FA2H: variants seen among roughly 807,000 people sequenced by gnomAD.
FA2H encodes the protein fatty acid 2-hydroxylase, also known as fatty acid alpha-hydroxylase.
FA2H carries 22 observed loss-of-function variants against 44.9 expected under a neutral mutation model. The ratio of observed to expected loss-of-function variants is 0.49; its 90% CI spans 0.35 to 0.70. The LOEUF (loss-of-function observed/expected upper bound fraction) is 0.70, where lower values mean the gene tolerates loss of function less well. Ranked by LOEUF, FA2H falls within the 30% of genes least tolerant of loss-of-function variation. The pLI is 0.01. For missense variants in FA2H, 501 were observed against 504.9 expected (o/e 0.99, Z 0.07); for synonymous variants, 243 against 213.2 (o/e 1.14, Z -1.22).
Position 74,718,977 on chromosome 16 carries a change from G to A in FA2H, c.786+11C>T, listed in dbSNP as rs371280297. ...CATGCTAGGTCCGGGCTGGGACCCC[G>A]CCCCGCTCACCTTGTGGTGCTGGCC... On this transcript the variant is annotated intron_variant, in intron 5 of 6. Coordinates refer to ENST00000219368, the MANE Select transcript of FA2H (RefSeq NM_024306.5). 13 of 1,612,868 alleles carry A rather than the reference G, an allele frequency of 8.1e-6. No homozygotes were observed. The highest frequency in any genetic ancestry group is 2.7e-5 in the African/African-American group (2 of 74,928).
chr16:74,772,612 T>C (rs1962930744), intron 1 of FA2H, among the ~76,000 whole-genome samples: 1 of 152,190 alleles, frequency 6.6e-6, no homozygotes, highest in Non-Finnish European at 1.5e-5. Context: ...TGCTAAGTCC[T>C]TTCAACCAAA....
chr16:74,744,450 C>CTTT (rs35646878), intron 1 of FA2H, among the ~76,000 whole-genome samples: 2 of 129,558 alleles, frequency 1.5e-5, no homozygotes, highest in African/African-American at 3.0e-5. Context: ...CAGATGATGC[C>CTTT]TTTTTTTTTT....
chr16:74,737,816 G>T (rs566531720), intron 2 of FA2H, among the ~76,000 whole-genome samples: 7 of 152,108 alleles, frequency 4.6e-5, no homozygotes, highest in Non-Finnish European at 8.8e-5. Context: ...CTCTTTCCCA[G>T]CTCCTCCATG....
chr16:74,770,326 G>C (rs1016115748), intron 1 of FA2H, among the ~76,000 whole-genome samples: 23 of 152,232 alleles, frequency 1.5e-4, no homozygotes, highest in African/African-American at 5.3e-4. Flanking sequence ...CTCTTTGAAA[G>C]GATATCCCAC....
chr16:74,767,734 A>G (rs1358746274), intron 1 of FA2H, among the ~76,000 whole-genome samples: 3 of 152,232 alleles, frequency 2.0e-5, no homozygotes, highest in Non-Finnish European at 2.9e-5. Flanking sequence ...TTCCCTGCAG[A>G]TTCATTTTTT....
chr16:74,723,509 C>T (rs1961883901), intron 4 of FA2H, among the ~76,000 whole-genome samples: 1 of 152,192 alleles, frequency 6.6e-6, no homozygotes, highest in Non-Finnish European at 1.5e-5. Flanking sequence ...CCAAATGAGG[C>T]CAACCGTCTT....
chr16:74,761,940 G>A (rs1157687707), intron 1 of FA2H, among the ~76,000 whole-genome samples: 1 of 152,238 alleles, frequency 6.6e-6, no homozygotes, highest in Non-Finnish European at 1.5e-5. Context: ...GTTAAAGGAT[G>A]AAGAGAGACC....
intron 1 of FA2H, among the ~76,000 whole-genome samples, chr16:74,770,559 C>G (rs915944214): frequency 1.3e-5 from 2 of 152,052 alleles, no homozygotes; most frequent in Non-Finnish European, 2.9e-5. Context: ...TTTGTAGAGA[C>G]GGGGTTTCAC....
intron 2 of FA2H, among the ~76,000 whole-genome samples, chr16:74,729,194 G>C (rs1323504958): frequency 6.6e-6 from 1 of 152,068 alleles, no homozygotes; most frequent in African/African-American, 2.4e-5. Flanking sequence ...TATTTTAGTA[G>C]ACAAGGGGTT....
intron 1 of FA2H, among the ~76,000 whole-genome samples, chr16:74,745,368 C>T (rs568996531): frequency 5.0e-4 from 76 of 152,376 alleles, no homozygotes; most frequent in African/African-American, 1.7e-3. Flanking sequence ...GATCCATTAG[C>T]GAGCAGGTGG....
At chr16:74,734,282 C>A (rs897281291) in intron 2 of FA2H, among the ~76,000 whole-genome samples, 1 of 152,202 alleles carries the variant, frequency 6.6e-6, no homozygotes, top group African/African-American at 2.4e-5. Flanking sequence ...CAGTGGAACC[C>A]GACGCTAGAG....
intron 1 of FA2H, among the ~76,000 whole-genome samples, chr16:74,759,059 G>C (rs756451614): frequency 1.3e-5 from 2 of 152,176 alleles, no homozygotes; most frequent in Non-Finnish European, 2.9e-5. Flanking sequence ...CACCTGGCAG[G>C]TTCTCCCTTA....
At chr16:74,758,117 C>CTTTT (rs71378706) in intron 1 of FA2H, among the ~76,000 whole-genome samples, 4 of 113,564 alleles carry the variant, frequency 3.5e-5, no homozygotes, top group Non-Finnish European at 7.0e-5. Flanking sequence ...GGAAACAATT[C>CTTTT]TTTTTTTTTT....
intron 1 of FA2H, among the ~76,000 whole-genome samples, chr16:74,767,424 C>T (rs1216542627): frequency 6.6e-6 from 1 of 152,130 alleles, no homozygotes; most frequent in Non-Finnish European, 1.5e-5. Context: ...GGTGTGTGAG[C>T]CACAATCTGT....
At chr16:74,764,225 C>T (rs1203442937) in intron 1 of FA2H, among the ~76,000 whole-genome samples, 3 of 152,082 alleles carry the variant, frequency 2.0e-5, no homozygotes, top group Non-Finnish European at 4.4e-5. Context: ...TGGGTATATA[C>T]CCAGAGGAAT....
chr16:74,724,433 T>C (rs1328218669), intron 4 of FA2H, among the ~76,000 whole-genome samples: 1 of 152,206 alleles, frequency 6.6e-6, no homozygotes, highest in African/African-American at 2.4e-5. Context: ...AGCATTTTCA[T>C]GTGCGCATCT....
chr16:74,733,234 G>A lies in FA2H; in HGVS notation c.364-5848C>T, dbSNP rs75631460. On this transcript the variant is annotated intron_variant, in intron 2 of 6. Transcript: ENST00000219368. ...CTCGCTCTCCCTTCTGTGAACACCCGCCTCAGTCATCAAAGGCCAACACCT... is the reference window on the plus strand; with the variant it reads ...CTCGCTCTCCCTTCTGTGAACACCCACCTCAGTCATCAAAGGCCAACACCT... Among the ~76,000 whole-genome samples the A allele has an allele frequency of 2.2e-3, 330 of 152,274 alleles. 2 individuals carry two copies. The highest frequency in any genetic ancestry group is 7.1e-3 in the African/African-American group (297 of 41,552).
intron 1 of FA2H, among the ~76,000 whole-genome samples, chr16:74,757,051 C>A (rs1962625547): frequency 6.7e-6 from 1 of 149,114 alleles, no homozygotes; most frequent in South Asian, 2.1e-4. Flanking sequence ...AAAAAAAAAA[C>A]ATTAAGCAAG....
intron 1 of FA2H, among the ~76,000 whole-genome samples, chr16:74,762,402 A>T (rs1411203687): frequency 6.6e-6 from 1 of 152,098 alleles, no homozygotes; most frequent in East Asian, 1.9e-4. Context: ...TTGACTCATT[A>T]TTTGCTCAAC....
Sources: allele counts gnomAD v4.1 joint callset (sites outside exome capture counted in the v4.1 genomes callset), GRCh38; gene constraint gnomAD v4.1.1; transcripts MANE v1.5; gene names NCBI Gene and HGNC (gene_info 2026-07-23, HGNC 2026-07-21).